DISP1: variants seen among roughly 807,000 people sequenced by gnomAD.
The protein encoded by DISP1 is dispatched RND transporter family member 1.
DISP1 carries 30 observed loss-of-function variants against 37.3 expected under a neutral mutation model. The ratio of observed to expected loss-of-function variants is 0.80; its 90% CI spans 0.60 to 1.09. The LOEUF (loss-of-function observed/expected upper bound fraction) is 1.09, where lower values mean the gene tolerates loss of function less well. Among genes scored for constraint, DISP1 ranks in the 50% least tolerant of loss-of-function variants. The pLI is 0.00. For missense variants in DISP1, 1,598 were observed against 1,879.5 expected (o/e 0.85, Z 2.77); for synonymous variants, 634 against 690.2 (o/e 0.92, Z 1.28).
chr1:222,958,860 C>A (rs1675817059), intron 3 of DISP1, among the ~76,000 whole-genome samples: 1 of 152,090 alleles, frequency 6.6e-6, no homozygotes, highest in South Asian at 2.1e-4. Flanking sequence ...AATATATAGG[C>A]TTTGCATGAA....
chr1:222,881,832 G>T (rs1670301217), intron 1 of DISP1, among the ~76,000 whole-genome samples: 1 of 152,120 alleles, frequency 6.6e-6, no homozygotes, highest in Non-Finnish European at 1.5e-5. Flanking sequence ...AGGACATAAA[G>T]ATATTCTTAT....
chr1:222,913,813 T>G (rs1399272260), intron 1 of DISP1, among the ~76,000 whole-genome samples: 1 of 152,098 alleles, frequency 6.6e-6, no homozygotes, highest in Admixed American at 6.5e-5. Flanking sequence ...TGCAATAGCT[T>G]TTATAAAATT....
chr1:222,994,524 T>C (rs1678922761), intron 7 of DISP1, among the ~76,000 whole-genome samples: 1 of 152,176 alleles, frequency 6.6e-6, no homozygotes, highest in Non-Finnish European at 1.5e-5. Context: ...CCCTAGTGCA[T>C]CTTTTTGTAT....
At position 222,846,405 on chromosome 1, in the gene DISP1, C is replaced by T. The variant is rs756630399; in HGVS notation, c.-159+31327C>T. ...ACTCGGGAGGCTGAGGCAGGAGAAT[C>T]GCTTGAACCCGGGAGGCAGAGGTTG... is the stretch of plus-strand genomic sequence containing the variant. On this transcript the variant is annotated intron_variant, in intron 1 of 8. Coordinates refer to ENST00000675850, the MANE Select transcript of DISP1 (RefSeq NM_001377229.1). Among the ~76,000 whole-genome samples the T allele has an allele frequency of 3.9e-5, 6 of 152,064 alleles. No individual in the cohort carries two copies. The South Asian group carries it at 6.2e-4, about 16-fold the overall frequency.
At chr1:222,980,695 A>G (rs1274179610) in intron 3 of DISP1, among the ~76,000 whole-genome samples, 1 of 152,228 alleles carries the variant, frequency 6.6e-6, no homozygotes, top group Non-Finnish European at 1.5e-5. Flanking sequence ...AGATTTTTAA[A>G]AAATGAATTA....
chr1:222,939,054 A>G (rs919611063), intron 2 of DISP1, among the ~76,000 whole-genome samples: 2 of 152,186 alleles, frequency 1.3e-5, no homozygotes, highest in African/African-American at 2.4e-5. Context: ...GAGAACACTC[A>G]TGTGACTTGC....
chr1:222,896,664 T>C (rs1671278934), intron 1 of DISP1, among the ~76,000 whole-genome samples: 1 of 150,774 alleles, frequency 6.6e-6, no homozygotes, highest in Non-Finnish European at 1.5e-5. Context: ...ATATTTGTAA[T>C]ACAATGTGTG....
chr1:222,913,645 G>A lies in DISP1; in HGVS notation c.-158-14785G>A, dbSNP rs114700169. ...GATAAGGCTGGGCATGGTGTCCCAC[G>A]CTTGTAATACCAGTACTTTGGGAGG... On this transcript the variant is annotated intron_variant, in intron 1 of 8. Coordinates refer to ENST00000675850, the MANE Select transcript of DISP1 (RefSeq NM_001377229.1). 7.1e-3 allele frequency among the ~76,000 whole-genome samples: 1,078 copies of A among 151,966 alleles called. 11 individuals carry two copies. Among genetic ancestry groups the A allele is most frequent in the African/African-American group, 0.025 (1,032 of 41,464 alleles).
chr1:222,920,875 T>A (rs1672772969), intron 1 of DISP1, among the ~76,000 whole-genome samples: 1 of 152,198 alleles, frequency 6.6e-6, no homozygotes, highest in Non-Finnish European at 1.5e-5. Flanking sequence ...ATGACCAAAA[T>A]GCTTTCTGTA....
Position 222,942,884 on chromosome 1 carries a change from A to G in DISP1, c.61A>G (p.Ser21Gly). The G allele has an allele frequency of 6.2e-7, 1 of 1,614,190 alleles. No homozygotes were observed. Among genetic ancestry groups the G allele is most frequent in the Non-Finnish European group, 8.5e-7 (1 of 1,180,010 alleles). The change falls in exon 3 of 9, where the codon AGT (serine) becomes GGT (glycine). Residue 21 changes from serine to glycine, a missense_variant. By Grantham distance (56) the Ser-to-Gly change is moderately conservative. Transcript: ENST00000675850. ...TCTGAGCAACAGCAGCATCGCAACC[A>G]GTGCTGCTAACCCGAGTCCCCTCAC... ...VVLSNSSIATSAANPSPLTPC... is the reference protein window; with the variant it reads ...VVLSNSSIATGAANPSPLTPC...
At chr1:223,002,287 C>T in intron 8 of DISP1, 98 bp from the exon 9 acceptor site, 1 of 1,131,930 alleles carries the variant, frequency 8.8e-7, no homozygotes, top group Non-Finnish European at 1.3e-6. Flanking sequence ...TGTAACTTTC[C>T]CTGTCCCTCA....
In DISP1 at chr1:223,004,147, A is replaced by G. The variant is rs769780977; in HGVS notation, c.2750A>G (p.Asn917Ser). Residue 917 changes from asparagine to serine, a missense_variant, in exon 9 of 9, where the codon AAT (asparagine) becomes AGT (serine). Coordinates refer to ENST00000675850, the MANE Select transcript of DISP1 (RefSeq NM_001377229.1). The surrounding 1 kb of genome is among the most constrained non-coding windows in gnomAD (Gnocchi z 4.9). ...ACCCCAGGGCCGAGGTTTGATATCA[A>G]TGATACTATCAGGGCAGTGGTGTTA... ...SKTPGPRFDI[N>S]DTIRAVVLEF... The G allele has an allele frequency of 7.4e-6, 12 of 1,614,212 alleles. No individual in the cohort carries two copies. The highest frequency in any genetic ancestry group is 1.1e-5 in the South Asian group (1 of 91,082).
chr1:223,003,501 TC>T lies in DISP1; in HGVS notation c.2105del (p.Ser702PhefsTer27). The T allele has an allele frequency of 6.2e-7, 1 of 1,614,216 alleles. No homozygotes were observed. The highest frequency in any genetic ancestry group is 8.5e-7 in the Non-Finnish European group (1 of 1,180,034). On this transcript the variant is annotated frameshift_variant, in exon 9 of 9. Transcript: ENST00000675850. LOFTEE classifies it low-confidence loss of function (END_TRUNC). The surrounding 1 kb of genome is among the most constrained non-coding windows in gnomAD (Gnocchi z 4.3). ...AGTACTCTTTGCCATTTCAGAAGCATCTCGAATTTTTTTCGAAAAAGTATTG... is the reference window on the plus strand; with the variant it reads ...AGTACTCTTTGCCATTTCAGAAGCATTCGAATTTTTTTCGAAAAAGTATTG... The part of the protein sequence containing the change: ...HKVLFAISEA[S>X]RIFFEKVLPC...
In DISP1 at chr1:222,937,369, C is replaced by T. The variant is rs562795063; in HGVS notation, c.-17-5438C>T. Among the ~76,000 whole-genome samples, 8 of 152,094 alleles carry T rather than the reference C, an allele frequency of 5.3e-5. No individual in the cohort carries two copies. In the East Asian group the frequency reaches 1.4e-3, roughly 26 times the overall value. ...CCTCCCAAAGTGCTGGGATTACAGG[C>T]GTGAGCCACTGCGCCCTGCCCCTCT... On this transcript the variant is annotated intron_variant, in intron 2 of 8. Transcript: ENST00000675850.
intron 1 of DISP1, among the ~76,000 whole-genome samples, chr1:222,840,853 C>T (rs769807058): frequency 2.6e-5 from 4 of 151,924 alleles, no homozygotes; most frequent in South Asian, 2.1e-4. Context: ...TGAGCCACTG[C>T]GCCCAGCCAG....
intron 1 of DISP1, among the ~76,000 whole-genome samples, chr1:222,916,008 G>A (rs532162875): frequency 6.6e-6 from 1 of 152,288 alleles, no homozygotes; most frequent in African/African-American, 2.4e-5. Context: ...ATAAGATTAG[G>A]TAGTGAGTTG....
At chr1:222,960,784 A>G (rs1046300569) in intron 3 of DISP1, among the ~76,000 whole-genome samples, 1 of 152,184 alleles carries the variant, frequency 6.6e-6, no homozygotes, top group African/African-American at 2.4e-5. Flanking sequence ...TAAAGGGGAT[A>G]TCACCACTGA....
intron 3 of DISP1, among the ~76,000 whole-genome samples, chr1:222,972,956 G>T (rs1357796067): frequency 6.6e-6 from 1 of 152,144 alleles, no homozygotes; most frequent in African/African-American, 2.4e-5. Flanking sequence ...AGCTACCCAG[G>T]TGATTCCAGT....
intron 1 of DISP1, among the ~76,000 whole-genome samples, chr1:222,855,739 C>A (rs931119319): frequency 1.3e-5 from 2 of 151,964 alleles, no homozygotes; most frequent in Admixed American, 1.3e-4. Context: ...AACATTTTTT[C>A]TCCCAAAATT....
Sources: gnomAD v4.1 joint callset for allele counts (sites outside exome capture counted in the v4.1 genomes callset) on GRCh38, gnomAD v4.1.1 for gene constraint, Gnocchi (gnomAD v3.1) non-coding constraint, MANE v1.5 for transcripts, NCBI Gene and HGNC (gene_info 2026-07-23, HGNC 2026-07-21) for gene names.